MAP3K9: variants seen among roughly 807,000 people sequenced by gnomAD.
MAP3K9 encodes mitogen-activated protein kinase kinase kinase 9, also known as mixed lineage kinase 1 (tyr and ser/thr specificity).
In MAP3K9, 46 loss-of-function variants were observed where a neutral mutation model predicts 95.8. The observed-to-expected ratio is 0.48, with a 90% CI of 0.38 to 0.61. The LOEUF is 0.61. Among genes scored for constraint, MAP3K9 ranks in the 20% least tolerant of loss-of-function variants. The pLI is 0.00. For missense variants in MAP3K9, 1,296 were observed against 1,474.3 expected (o/e 0.88, Z 1.98); for synonymous variants, 533 against 593.8 (o/e 0.90, Z 1.49).
intron 3 of MAP3K9, among the ~76,000 whole-genome samples, chr14:70,750,676 G>C (rs963205346): frequency 3.3e-5 from 5 of 152,002 alleles, no homozygotes; most frequent in Non-Finnish European, 7.4e-5. Context: ...GTAGAGACAG[G>C]GTTTCACCAC....
intron 2 of MAP3K9, among the ~76,000 whole-genome samples, chr14:70,792,643 C>CCTTA (rs1407030214): frequency 6.6e-6 from 1 of 152,192 alleles, no homozygotes; most frequent in Non-Finnish European, 1.5e-5. Flanking sequence ...GGTGCCTGAG[C>CCTTA]CTTAGCTGCT....
At chr14:70,798,373 GA>G in intron 2 of MAP3K9, among the ~76,000 whole-genome samples, 1 of 135,004 alleles carries the variant, frequency 7.4e-6, no homozygotes. Context: ...AAAAATATTA[GA>G]AAAAGTAAAA....
At chr14:70,752,200 T>TTA (rs1450317890) in intron 3 of MAP3K9, among the ~76,000 whole-genome samples, 1 of 152,246 alleles carries the variant, frequency 6.6e-6, no homozygotes, top group Admixed American at 6.5e-5. Flanking sequence ...ATTGGATACT[T>TTA]TACGATGCCT....
At chr14:70,749,513 T>A in intron 4 of MAP3K9, 1 of 168,704 alleles carries the variant, frequency 5.9e-6, no homozygotes, top group Non-Finnish European at 1.3e-5. Context: ...GGTGGCCACC[T>A]ATCCACTCAA....
rs538930409 is a variant in MAP3K9, at chr14:70,725,809, AC to A, written c.*4570del. 26 of 148,614 alleles carry A rather than the reference AC, an allele frequency of 1.7e-4. No homozygotes were observed. In the East Asian group the frequency reaches 3.4e-3, roughly 19 times the overall value. The allele number at this position is 148,614 out of a possible 1,614,324, so 9.2% of individuals were successfully genotyped here. A position where few individuals can be genotyped will look rare whatever the true frequency, so the allele number is the denominator to read the frequency against. ...AATAGCTGATATTCGACTGTTTTTGACGTAAAACCGTACGTATATTTCACAC... is the reference window on the plus strand; with the variant it reads ...AATAGCTGATATTCGACTGTTTTTGAGTAAAACCGTACGTATATTTCACAC... On this transcript the variant is annotated 3_prime_UTR_variant, in exon 12 of 12. Transcript: ENST00000554752.
intron 2 of MAP3K9, among the ~76,000 whole-genome samples, chr14:70,764,349 G>GATA (rs1297249749): frequency 4.0e-5 from 5 of 125,614 alleles, no homozygotes; most frequent in Non-Finnish European, 8.6e-5. Flanking sequence ...ACTGTGATAT[G>GATA]ATCTTGACCC....
At chr14:70,765,433 C>T (rs1439790926) in intron 2 of MAP3K9, 11 of 690,802 alleles carry the variant, frequency 1.6e-5, no homozygotes, top group Non-Finnish European at 2.9e-5. Flanking sequence ...TCACTCACCA[C>T]TCACTCACCC....
intron 2 of MAP3K9, among the ~76,000 whole-genome samples, chr14:70,761,500 C>G (rs575053320): frequency 6.6e-6 from 1 of 152,272 alleles, no homozygotes; most frequent in East Asian, 1.9e-4. Flanking sequence ...CAGTGGTTCA[C>G]GCATGTAATC....
rs945099892 is a variant in MAP3K9, at chr14:70,800,523, T to C, written c.820+144A>G. ...CTTTCTTGGCACTCATCTCACCTCC[T>C]ACATCTCCATTCAAGGATGGAATGT... is the stretch of plus-strand genomic sequence containing the variant. On this transcript the variant is annotated intron_variant, in intron 2 of 11. Transcript: ENST00000554752. 4.9e-6 allele frequency: 4 copies of C among 819,766 alleles called. No individual in the cohort carries two copies. In the African/African-American group the frequency reaches 6.8e-5, roughly 14 times the overall value. 50.8% of individuals were successfully genotyped at this position (819,766 alleles called of 1,614,324 possible).
At chr14:70,749,172 T>C (rs1176787063) in intron 4 of MAP3K9, among the ~76,000 whole-genome samples, 168 bp from the exon 5 acceptor site, 2 of 152,206 alleles carry the variant, frequency 1.3e-5, no homozygotes, top group Non-Finnish European at 2.9e-5. Flanking sequence ...TAAAGCAAAC[T>C]GTCCACCATT....
intron 1 of MAP3K9, among the ~76,000 whole-genome samples, chr14:70,802,612 A>G (rs1254680433): frequency 2.0e-5 from 3 of 152,120 alleles, no homozygotes; most frequent in Non-Finnish European, 4.4e-5. Flanking sequence ...CAGGTCTTAA[A>G]TATCAGTTTC....
intron 2 of MAP3K9, among the ~76,000 whole-genome samples, chr14:70,785,100 T>C (rs1293560049): frequency 2.6e-5 from 4 of 152,160 alleles, no homozygotes; most frequent in Admixed American, 2.6e-4. Context: ...AGCCTGGTAT[T>C]TGAGTCCAGG....
chr14:70,790,019 T>C (rs1442796070), intron 2 of MAP3K9, among the ~76,000 whole-genome samples: 3 of 152,156 alleles, frequency 2.0e-5, no homozygotes, highest in African/African-American at 7.2e-5. Flanking sequence ...GACACCAGGA[T>C]GCCCCTTGCT....
chr14:70,730,863 T>C lies in MAP3K9; in HGVS notation c.2832A>G (p.Gly944=), dbSNP rs781104145. The C allele has an allele frequency of 6.3e-7, 1 of 1,595,258 alleles. No individual in the cohort carries two copies. Among genetic ancestry groups the C allele is most frequent in the Non-Finnish European group, 8.5e-7 (1 of 1,173,736 alleles). ...GGCTGGGACTGGGGGTTTTCAACAT[T>C]CCTGGTCAAAAAGACAAAAGGAGAA... ...SNGLSPSPGA[G]MLKTPSPSRD... Residue 944 remains glycine (G), a splice_region_variant and synonymous_variant, in exon 12 of 12, where the codon GGA becomes GGG. Coordinates refer to ENST00000554752, the MANE Select transcript of MAP3K9 (RefSeq NM_001284230.2).
At chr14:70,735,820 TAAAACA>T in intron 9 of MAP3K9, 135 bp downstream of exon 9, 1 of 704,144 alleles carries the variant, frequency 1.4e-6, no homozygotes, top group Non-Finnish European at 2.6e-6. Context: ...TGGTACTGCT[TAAAACA>T]AAAACAAAAA....
chr14:70,806,368 T>C (rs1267398818), intron 1 of MAP3K9, among the ~76,000 whole-genome samples: 1 of 152,246 alleles, frequency 6.6e-6, no homozygotes, highest in Non-Finnish European at 1.5e-5. Context: ...ACAGTATCTA[T>C]CACTCACTAG....
Position 70,730,736 on chromosome 14 carries a change from TG to T in MAP3K9, c.2958del (p.Lys987ArgfsTer57). ...NTQQDSTLER[P>X]KTLEFLPRPR... ...GGCCGAGGCAGAAACTCCAGAGTCT[TG>T]GGTCTCTCCAAGGTAGAGTCCTGCT... On this transcript the variant is annotated frameshift_variant, in exon 12 of 12. Coordinates refer to ENST00000554752, the MANE Select transcript of MAP3K9 (RefSeq NM_001284230.2). LOFTEE classifies it high-confidence loss of function. 6.2e-7 allele frequency: 1 copy of T among 1,613,706 alleles called. No homozygotes were observed. The highest frequency in any genetic ancestry group is 8.5e-7 in the Non-Finnish European group (1 of 1,180,000).
At chr14:70,742,628 G>C (rs2054089167) in intron 5 of MAP3K9, 37 bp from the exon 6 acceptor site, 1 of 1,604,974 alleles carries the variant, frequency 6.2e-7, no homozygotes, top group African/African-American at 1.3e-5. Flanking sequence ...AAAAGACTGG[G>C]GTGCTCAGTG....
In MAP3K9 at chr14:70,742,523, C is replaced by T. The variant is rs2054086580; in HGVS notation, c.1395G>A (p.Leu465=). 1.2e-6 allele frequency: 2 copies of T among 1,614,128 alleles called. No individual in the cohort carries two copies. The highest frequency in any genetic ancestry group is 1.7e-5 in the Admixed American group (1 of 60,012). Residue 465 remains leucine, a synonymous_variant, in exon 6 of 12, where the codon CTG becomes CTA. Coordinates refer to ENST00000554752, the MANE Select transcript of MAP3K9 (RefSeq NM_001284230.2). The stretch of plus-strand genomic sequence containing the variant: ...CGGCCAGCTCCTGCTCCCGACGCCG[C>T]AGCAGTTCCTCCTGGTTCTTCTGCT... The part of the protein sequence containing the change: ...ALQQKNQEEL[L]RRREQELAER...
Sources: allele counts gnomAD v4.1 joint callset (sites outside exome capture counted in the v4.1 genomes callset), GRCh38; gene constraint gnomAD v4.1.1; transcripts MANE v1.5; gene names NCBI Gene and HGNC (gene_info 2026-07-23, HGNC 2026-07-21).